SLC6A6: variants seen among roughly 807,000 people sequenced by gnomAD.
The protein encoded by SLC6A6 is sodium- and chloride-dependent taurine transporter.
A neutral mutation model predicts 68.8 loss-of-function variants in SLC6A6; 16 were observed. The ratio of observed to expected loss-of-function variants is 0.23; its 90% CI spans 0.16 to 0.35. The LOEUF is 0.35. SLC6A6 is among the 10% of genes least tolerant of loss of function. The probability of loss-of-function intolerance (pLI) is 1.00; values close to 1 mark genes in which losing one functional copy is unlikely to be tolerated. For synonymous variants in SLC6A6, 312 were observed against 315.4 expected (o/e 0.99, Z 0.12); for missense variants, 474 against 802.8 (o/e 0.59, Z 4.95).
At position 14,472,595 on chromosome 3, in the gene SLC6A6, C is replaced by T. The variant is rs918286233; in HGVS notation, c.1209+278C>T. On this transcript the variant is annotated intron_variant, in intron 10 of 14. Transcript: ENST00000622186. The surrounding 1 kb of genome is among the most constrained non-coding windows in gnomAD (Gnocchi z 4.5). Reference sequence around the variant, plus strand: ...TAGCAGAGGGGCATCCAGAGGTTCTCGGAGTGGGTGGGTTATGACAGGGAC... The same window carrying T: ...TAGCAGAGGGGCATCCAGAGGTTCTTGGAGTGGGTGGGTTATGACAGGGAC... 2.6e-5 allele frequency among the ~76,000 whole-genome samples: 4 copies of T among 152,192 alleles called. No individual in the cohort carries two copies. Among genetic ancestry groups the T allele is most frequent in the African/African-American group, 4.8e-5 (2 of 41,444 alleles).
chr3:14,472,103 T>C lies in SLC6A6; in HGVS notation c.1097-102T>C. ...CCAGAGTTCAGACCTGGCTCCCTGC[T>C]GTATTTGGGTCTGAGTGTCTTTGTG... On this transcript the variant is annotated intron_variant, in intron 9 of 14. Transcript: ENST00000622186. This position sits in a 1 kb window ranked among gnomAD's most constrained non-coding sequence, Gnocchi z 4.5. 1.4e-6 allele frequency: 1 copy of C among 704,070 alleles called. No individual in the cohort carries two copies. The highest frequency in any genetic ancestry group is 2.6e-6 in the Non-Finnish European group (1 of 391,520). 43.6% of individuals were successfully genotyped at this position (704,070 alleles called of 1,614,324 possible).
At chr3:14,469,277 C>G (rs913692600) in intron 9 of SLC6A6, among the ~76,000 whole-genome samples, 1 of 152,082 alleles carries the variant, frequency 6.6e-6, no homozygotes, top group South Asian at 2.1e-4. Context: ...CTGGAGGTGG[C>G]AAGGTCCTGG....
At chr3:14,440,129 A>AC (rs1029834315) in intron 2 of SLC6A6, among the ~76,000 whole-genome samples, 24 of 151,312 alleles carry the variant, frequency 1.6e-4, no homozygotes, top group East Asian at 5.8e-4. Flanking sequence ...CCTCCTGTGC[A>AC]CCCCCCCTCA....
chr3:14,439,136 G>A (rs535643594), intron 2 of SLC6A6, among the ~76,000 whole-genome samples: 14 of 152,352 alleles, frequency 9.2e-5, no homozygotes, highest in South Asian at 4.1e-4. Context: ...GCTCGGTGCC[G>A]GAGGCCCAGG....
At chr3:14,451,024 A>T (rs1055749793) in intron 5 of SLC6A6, among the ~76,000 whole-genome samples, 1 of 152,142 alleles carries the variant, frequency 6.6e-6, no homozygotes, top group Non-Finnish European at 1.5e-5. Context: ...GTCCCCATGC[A>T]CTGTCACCCC....
chr3:14,479,640 G>A (rs1700962939), intron 13 of SLC6A6, among the ~76,000 whole-genome samples: 2 of 152,248 alleles, frequency 1.3e-5, no homozygotes, highest in South Asian at 2.1e-4. Context: ...ATGGAGAGGT[G>A]GGGGTAGTAG....
intron 2 of SLC6A6, among the ~76,000 whole-genome samples, chr3:14,441,949 A>G (rs1367749006): frequency 2.0e-5 from 3 of 152,236 alleles, no homozygotes; most frequent in African/African-American, 7.2e-5. Flanking sequence ...AGGAGCCTCT[A>G]TTCTAGTTGA....
At chr3:14,474,464 G>A (rs1302560010) in intron 10 of SLC6A6, among the ~76,000 whole-genome samples, 4 of 152,122 alleles carry the variant, frequency 2.6e-5, no homozygotes, top group African/African-American at 7.2e-5. Flanking sequence ...ACCACCGTCC[G>A]TCTCCAGAAC....
intron 2 of SLC6A6, among the ~76,000 whole-genome samples, chr3:14,427,844 ACT>A (rs1699635867): frequency 6.6e-6 from 1 of 151,656 alleles, no homozygotes; most frequent in South Asian, 2.1e-4. Flanking sequence ...GTCCTTTTCT[ACT>A]CTCGAGTCCA....
intron 9 of SLC6A6, among the ~76,000 whole-genome samples, chr3:14,471,152 T>TTA (rs11385812): frequency 6.8e-6 from 1 of 146,572 alleles, no homozygotes; most frequent in Non-Finnish European, 1.5e-5. Flanking sequence ...TTTTTTTTTT[T>TTA]AGTTGTAGAT....
At position 14,481,626 on chromosome 3, in the gene SLC6A6, C is replaced by T; in HGVS notation, c.1552-45C>T. On this transcript the variant is annotated intron_variant, in intron 13 of 14. Coordinates refer to ENST00000622186, the MANE Select transcript of SLC6A6 (RefSeq NM_003043.6). The surrounding 1 kb of genome is among the most constrained non-coding windows in gnomAD (Gnocchi z 4.7). ...CCTAGTCCCAGAAGCCCCCCACCCCCCGATGCCCAGGACCCCTCTCCTGAC... is the reference window on the plus strand; with the variant it reads ...CCTAGTCCCAGAAGCCCCCCACCCCTCGATGCCCAGGACCCCTCTCCTGAC... 3 of 1,400,680 alleles carry T rather than the reference C, an allele frequency of 2.1e-6. No individual in the cohort carries two copies. Among genetic ancestry groups the T allele is most frequent in the Non-Finnish European group, 3.0e-6 (3 of 1,004,256 alleles). The allele number at this position is 1,400,680 out of a possible 1,614,324, so 86.8% of individuals were successfully genotyped here. A position where few individuals can be genotyped will look rare whatever the true frequency, so the allele number is the denominator to read the frequency against.
chr3:14,436,762 T>G (rs1274698087), intron 2 of SLC6A6, among the ~76,000 whole-genome samples: 1 of 152,124 alleles, frequency 6.6e-6, no homozygotes, highest in Non-Finnish European at 1.5e-5. Context: ...GCACGCCATC[T>G]GTCCTGCCTG....
intron 1 of SLC6A6, among the ~76,000 whole-genome samples, chr3:14,414,299 C>T (rs758284392): frequency 2.0e-5 from 3 of 152,158 alleles, no homozygotes; most frequent in Non-Finnish European, 4.4e-5. Context: ...CTGTTTTTGA[C>T]CAGGCTGGTC....
At chr3:14,411,297 C>T (rs1242368466) in intron 1 of SLC6A6, 1 of 152,372 alleles carries the variant, frequency 6.6e-6, no homozygotes, top group African/African-American at 2.4e-5. Flanking sequence ...GTTTCTGCTC[C>T]TAGCTAGACC....
chr3:14,484,679 C>T (rs996867509), intron 14 of SLC6A6, among the ~76,000 whole-genome samples, 188 bp from the exon 15 acceptor site: 3 of 152,204 alleles, frequency 2.0e-5, no homozygotes, highest in Admixed American at 2.0e-4. Context: ...GGCCTAGTGG[C>T]ACCTTAGGAG....
intron 1 of SLC6A6, among the ~76,000 whole-genome samples, chr3:14,414,129 C>G (rs561820419): frequency 6.6e-6 from 1 of 152,324 alleles, no homozygotes; most frequent in South Asian, 2.1e-4. Flanking sequence ...GTTTCCTTCT[C>G]TCTGTCTCCC....
In SLC6A6 at chr3:14,422,568, C is replaced by T. The variant is rs185169051; in HGVS notation, c.-12+6115C>T. ...GGCCGGTGTCCAGGCCCCACCCCAG[C>T]TTGGCCGCTTAGTGGCTCACCTTCT... On this transcript the variant is annotated intron_variant, in intron 2 of 14. Coordinates refer to ENST00000622186, the MANE Select transcript of SLC6A6 (RefSeq NM_003043.6). Among the ~76,000 whole-genome samples, 31 of 152,278 alleles carry T rather than the reference C, an allele frequency of 2.0e-4. No individual in the cohort carries two copies. In the East Asian group the frequency reaches 5.8e-3, roughly 29 times the overall value.
intron 2 of SLC6A6, among the ~76,000 whole-genome samples, chr3:14,439,660 A>C (rs552129732): frequency 2.0e-5 from 3 of 152,376 alleles, no homozygotes; most frequent in African/African-American, 7.2e-5. Flanking sequence ...CCCTGGGCCC[A>C]GTGCCAAGGA....
chr3:14,417,512 A>G (rs1257589549), intron 2 of SLC6A6, among the ~76,000 whole-genome samples: 2 of 152,116 alleles, frequency 1.3e-5, no homozygotes, highest in East Asian at 1.9e-4. Flanking sequence ...TGGGCAGATC[A>G]CGAGGTCAGG....
Sources: allele counts gnomAD v4.1 joint callset (sites outside exome capture counted in the v4.1 genomes callset), GRCh38; gene constraint gnomAD v4.1.1; non-coding constraint Gnocchi (gnomAD v3.1); transcripts MANE v1.5; gene names NCBI Gene and HGNC (gene_info 2026-07-23, HGNC 2026-07-21).